LRP6: variants seen among roughly 807,000 people sequenced by gnomAD.
LRP6 encodes LDL receptor related protein 6.
A neutral mutation model predicts 184.1 loss-of-function variants in LRP6; 43 were observed. The observed-to-expected ratio is 0.23, with a 90% CI of 0.18 to 0.30. The LOEUF is 0.30. LRP6 is among the 10% of genes least tolerant of loss of function. The pLI, the probability that LRP6 is intolerant of heterozygous loss-of-function variation, is 1.00. For missense variants in LRP6, 1,571 were observed against 2,005.3 expected, an observed-to-expected ratio of 0.78 and a Z score of 4.14; for synonymous variants, 719 against 684.9, an observed-to-expected ratio of 1.05 and a Z score of -0.78.
intron 16 of LRP6, among the ~76,000 whole-genome samples, chr12:12,137,557 C>T (rs911663667): frequency 6.6e-6 from 1 of 152,048 alleles, no homozygotes; most frequent in Non-Finnish European, 1.5e-5. Flanking sequence ...TATGTTTACA[C>T]ACTAATTTTT....
At chr12:12,211,235 G>A (rs1467226126) in intron 2 of LRP6, among the ~76,000 whole-genome samples, 4 of 152,166 alleles carry the variant, frequency 2.6e-5, no homozygotes, top group African/African-American at 9.7e-5. Flanking sequence ...AGCAGTTTGA[G>A]ACCAGCCCGG....
intron 1 of LRP6, among the ~76,000 whole-genome samples, chr12:12,260,631 C>T (rs1386590687): frequency 2.0e-5 from 3 of 152,066 alleles, no homozygotes; most frequent in Non-Finnish European, 4.4e-5. Context: ...TAATAGCAAC[C>T]ATTTATTCAA....
chr12:12,195,193 T>G (rs1239164020), intron 3 of LRP6, among the ~76,000 whole-genome samples: 2 of 152,148 alleles, frequency 1.3e-5, no homozygotes, highest in Non-Finnish European at 2.9e-5. Context: ...TACACTGATT[T>G]CCTTTCCTTT....
At chr12:12,195,460 C>T (rs920556932) in intron 3 of LRP6, among the ~76,000 whole-genome samples, 1 of 152,026 alleles carries the variant, frequency 6.6e-6, no homozygotes, top group Non-Finnish European at 1.5e-5. Context: ...TGATGTTGAG[C>T]ATTTTTTCAT....
intron 15 of LRP6, among the ~76,000 whole-genome samples, chr12:12,144,467 G>C (rs984019251): frequency 3.9e-5 from 6 of 152,132 alleles, no homozygotes; most frequent in African/African-American, 1.4e-4. Context: ...AACACAGCAA[G>C]ACCCCCATCT....
chr12:12,162,555 A>T (rs1862766884), intron 9 of LRP6, 136 bp from the exon 10 acceptor site: 1 of 726,192 alleles, frequency 1.4e-6, no homozygotes, highest in Admixed American at 2.2e-5. Flanking sequence ...ATTAAAATTC[A>T]CATAACTTGC....
At chr12:12,247,393 C>T (rs865923983) in intron 1 of LRP6, among the ~76,000 whole-genome samples, 9 of 152,170 alleles carry the variant, frequency 5.9e-5, no homozygotes, top group African/African-American at 1.9e-4. Flanking sequence ...AACACTTCTA[C>T]GTGTACTGAA....
At position 12,118,420 on chromosome 12, in the gene LRP6, A is replaced by C. The variant is rs1014471254; in HGVS notation, c.*2706T>G. On this transcript the variant is annotated 3_prime_UTR_variant, in exon 23 of 23. Coordinates refer to ENST00000261349, the MANE Select transcript of LRP6 (RefSeq NM_002336.3). The stretch of plus-strand genomic sequence containing the variant: ...CAATTTTAATCACATCAGTTAGTGC[A>C]TATATTTTAGGACACATGTTCAAAA... 5.9e-5 allele frequency: 9 copies of C among 152,244 alleles called. No homozygotes were observed. The highest frequency in any genetic ancestry group is 3.2e-3 in the Middle Eastern group (1 of 316). The allele number at this position is 152,244 out of a possible 1,614,324, so 9.4% of individuals were successfully genotyped here. A position where few individuals can be genotyped will look rare whatever the true frequency, so the allele number is the denominator to read the frequency against.
At chr12:12,251,809 G>C (rs1591988221) in intron 1 of LRP6, among the ~76,000 whole-genome samples, 1 of 152,120 alleles carries the variant, frequency 6.6e-6, no homozygotes, top group Non-Finnish European at 1.5e-5. Context: ...ACTTAAAACT[G>C]TATTCACACC....
intron 1 of LRP6, among the ~76,000 whole-genome samples, chr12:12,253,960 T>G (rs1865394421): frequency 1.3e-5 from 2 of 151,604 alleles, no homozygotes; most frequent in South Asian, 2.1e-4. Context: ...CCTGGGCAAC[T>G]TGGCGAAACC....
chr12:12,136,978 TATC>T (rs1228273669), intron 16 of LRP6, among the ~76,000 whole-genome samples: 2 of 152,230 alleles, frequency 1.3e-5, no homozygotes, highest in African/African-American at 2.4e-5. Flanking sequence ...TTAGGTATGA[TATC>T]ATTATCATAT....
At chr12:12,193,993 C>A (rs1294027478) in intron 3 of LRP6, among the ~76,000 whole-genome samples, 1 of 152,014 alleles carries the variant, frequency 6.6e-6, no homozygotes, top group East Asian at 1.9e-4. Flanking sequence ...GAAGTATAAA[C>A]CACGACCAAG....
Position 12,149,126 on chromosome 12 carries a change from G to C in LRP6, c.3022C>G (p.Pro1008Ala), listed in dbSNP as rs766448239. 2 of 1,613,840 alleles carry C rather than the reference G, an allele frequency of 1.2e-6. No individual in the cohort carries two copies. The highest frequency in any genetic ancestry group is 1.7e-6 in the Non-Finnish European group (2 of 1,179,944). Residue 1008 changes from proline (P) to alanine (A), a missense_variant, in exon 14 of 23, where the codon CCG (proline) becomes GCG (alanine). Pro to Ala is a conservative substitution (Grantham distance 27, BLOSUM62 -1). Transcript: ENST00000261349. ...QGFTVVVSSV[P>A]SQNLEIQPYD... ...GGTTGTATTTCCAGGTTCTGACTCG[G>C]AACTGAGCTCACAACCACAGTAAAG...
intron 14 of LRP6, among the ~76,000 whole-genome samples, chr12:12,147,926 G>C (rs373059707): frequency 4.0e-5 from 6 of 151,844 alleles, no homozygotes; most frequent in African/African-American, 1.4e-4. Flanking sequence ...AGTGAGCTGA[G>C]ATTGTGTCAC....
chr12:12,154,476 ACTG>A (rs774655622), intron 12 of LRP6, among the ~76,000 whole-genome samples: 3 of 152,236 alleles, frequency 2.0e-5, no homozygotes, highest in East Asian at 1.9e-4. Context: ...AATTTCATTC[ACTG>A]CTATGTTTTC....
chr12:12,239,633 C>T (rs1432667466), intron 2 of LRP6, among the ~76,000 whole-genome samples: 1 of 151,862 alleles, frequency 6.6e-6, no homozygotes, highest in Non-Finnish European at 1.5e-5. Flanking sequence ...CAAGTGCAGG[C>T]AGCCTATACT....
At chr12:12,150,712 A>C (rs1349256836) in intron 13 of LRP6, 124 bp downstream of exon 13, 2 of 997,436 alleles carry the variant, frequency 2.0e-6, no homozygotes, top group African/African-American at 3.2e-5. Context: ...CTAGGTCCAG[A>C]ATTTCAGTTT....
In LRP6 at chr12:12,244,598, T is replaced by C. The variant is rs138911001; in HGVS notation, c.113A>G (p.Asn38Ser). 205 of 1,614,184 alleles carry C rather than the reference T, an allele frequency of 1.3e-4. 2 individuals carry two copies. In the African/African-American group the frequency reaches 2.5e-3, roughly 20 times the overall value. ...RRDLRLVDAT[N>S]GKENATIVVG... ...TACAATCGTAGCATTCTCTTTGCCA[T>C]TTGTAGCATCAACCAATCGCAAGTC... Residue 38 changes from asparagine to serine, a missense_variant, in exon 2 of 23, where the codon AAT becomes AGT. Transcript: ENST00000261349.
chr12:12,186,791 A>AT, intron 4 of LRP6, 132 bp downstream of exon 4: 1 of 850,458 alleles, frequency 1.2e-6, no homozygotes, highest in South Asian at 1.4e-5. Context: ...CCCAAGTAGG[A>AT]TTTTAACTCT....
Sources: gnomAD v4.1 joint callset for allele counts (sites outside exome capture counted in the v4.1 genomes callset) on GRCh38, gnomAD v4.1.1 for gene constraint, MANE v1.5 for transcripts, NCBI Gene and HGNC (gene_info 2026-07-23, HGNC 2026-07-21) for gene names.